Variants in DST observed in about 807,000 individuals in gnomAD.
DST encodes dystonin.
Under a neutral mutation model 875.2 loss-of-function variants are expected in DST, and 253 were observed. The observed-to-expected ratio is 0.29, with a 90% CI of 0.26 to 0.32. The LOEUF is 0.32. Ranked by LOEUF, DST falls within the 10% of genes least tolerant of loss-of-function variation. The pLI, the probability that DST is intolerant of heterozygous loss-of-function variation, is 1.00. For synonymous variants in DST, 3,124 were observed against 3,197.1 expected (o/e 0.98, Z 0.77); for missense variants, 8,287 against 9,111.6 (o/e 0.91, Z 3.68).
At chr6:56,576,958 T>C (rs1194988577) in intron 50 of DST, among the ~76,000 whole-genome samples, 1 of 152,234 alleles carries the variant, frequency 6.6e-6, no homozygotes, top group African/African-American at 2.4e-5. Context: ...CTGTTTAGTT[T>C]GCACTTCTTA....
chr6:56,617,850 C>A (rs2098642782), intron 36 of DST: 2 of 731,952 alleles, frequency 2.7e-6, no homozygotes, highest in Admixed American at 4.5e-5. Context: ...AAGAGTATAG[C>A]ATTATTTTCC....
At position 56,459,207 on chromosome 6, in the gene DST, G is replaced by C; in HGVS notation, c.23255C>G (p.Ala7752Gly). The C allele has an allele frequency of 6.2e-7, 1 of 1,613,634 alleles. No individual in the cohort carries two copies. The highest frequency in any genetic ancestry group is 8.5e-7 in the Non-Finnish European group (1 of 1,179,724). Residue 7752 changes from alanine to glycine, a missense_variant, in exon 104 of 104, where the codon GCC becomes GGC. Transcript: ENST00000680361. ...SRAGSKAGSRASSRRGSDASD... is the reference protein window; with the variant it reads ...SRAGSKAGSRGSSRRGSDASD... ...TGCATCACTGCCTCGGCGGCTGCTG[G>C]CCCTGCTGCCAGCTTTGCTTCCAGC...
intron 61 of DST, chr6:56,540,757 T>C (rs2097111137): frequency 6.5e-6 from 1 of 152,672 alleles, no homozygotes; most frequent in Non-Finnish European, 1.5e-5. Context: ...GGATTTCCCT[T>C]TGACCATTTA....
chr6:56,470,251 T>C lies in DST; in HGVS notation c.22353A>G (p.Ala7451=). The C allele has an allele frequency of 6.2e-7, 1 of 1,609,858 alleles. No individual in the cohort carries two copies. Residue 7451 remains alanine, a synonymous_variant, in exon 96 of 104, where the codon GCA becomes GCG. Coordinates refer to ENST00000680361, the MANE Select transcript of DST (RefSeq NM_001374736.1). ...CATCTCTGTCAAAGATGTCTGCAAC[T>C]GCGCTCATCTCCAAGCGACTGGTTG... is the stretch of plus-strand genomic sequence containing the variant. The part of the protein sequence containing the change: ...KFPTSRLEMS[A]VADIFDRDGD...
chr6:56,875,752 G>A (rs964810815), intron 3 of DST, among the ~76,000 whole-genome samples: 2 of 152,050 alleles, frequency 1.3e-5, no homozygotes, highest in Non-Finnish European at 2.9e-5. Flanking sequence ...TAGAGCTGCT[G>A]GAATCTTAGC....
chr6:56,934,560 T>TTTATATA (rs869186436), intron 2 of DST, among the ~76,000 whole-genome samples: 1 of 106,486 alleles, frequency 9.4e-6, no homozygotes, highest in African/African-American at 3.5e-5. Context: ...ATATATTATA[T>TTTATATA]TATATATATA....
At chr6:56,584,068 C>T (rs891462013) in intron 49 of DST, among the ~76,000 whole-genome samples, 2 of 152,094 alleles carry the variant, frequency 1.3e-5, no homozygotes, top group East Asian at 3.9e-4. Flanking sequence ...ATTGACTTGG[C>T]GATGCGGGCT....
chr6:56,501,787 C>A, intron 78 of DST, 94 bp from the exon 79 acceptor site: 2 of 920,036 alleles, frequency 2.2e-6, no homozygotes, highest in Non-Finnish European at 3.1e-6. Flanking sequence ...CTAATTCACA[C>A]TACTTACTGA....
chr6:56,661,324 T>C (rs1239266718), intron 10 of DST, among the ~76,000 whole-genome samples: 2 of 152,122 alleles, frequency 1.3e-5, no homozygotes, highest in Admixed American at 1.3e-4. Flanking sequence ...TACCGGCTGC[T>C]CCTGTAATGT....
chr6:56,491,104 A>T (rs1295346944), intron 85 of DST, among the ~76,000 whole-genome samples: 1 of 152,204 alleles, frequency 6.6e-6, no homozygotes, highest in Non-Finnish European at 1.5e-5. Context: ...TTAAAGAAAC[A>T]TTAGAGATGG....
chr6:56,821,179 T>C (rs541238923), intron 4 of DST, among the ~76,000 whole-genome samples: 2 of 152,356 alleles, frequency 1.3e-5, no homozygotes, highest in African/African-American at 4.8e-5. Flanking sequence ...ACAGTCACTC[T>C]AGCTGAAACA....
chr6:56,797,750 G>A (rs1240230612), intron 4 of DST, among the ~76,000 whole-genome samples: 1 of 151,188 alleles, frequency 6.6e-6, no homozygotes, highest in East Asian at 1.9e-4. Flanking sequence ...ACCCGGGAGC[G>A]GAGGTTGCAG....
At chr6:56,860,081 A>T (rs911245287) in intron 3 of DST, among the ~76,000 whole-genome samples, 1 of 152,172 alleles carries the variant, frequency 6.6e-6, no homozygotes, top group Non-Finnish European at 1.5e-5. Flanking sequence ...ATACTGGAAA[A>T]TTTTCACATA....
intron 2 of DST, among the ~76,000 whole-genome samples, chr6:56,906,007 C>A (rs1033176599): frequency 1.3e-5 from 2 of 152,150 alleles, no homozygotes; most frequent in Admixed American, 6.5e-5. Flanking sequence ...GTTTCCATAT[C>A]TTGGCTACTG....
rs775497590 is a variant in DST, at chr6:56,607,127, G to C, written c.7501C>G (p.Pro2501Ala). ...GATTTCTGTCCATACTGCTCTCCTG[G>C]TAAACTGATGTTAATAGCTGCAATT... The part of the protein sequence containing the change: ...LGIAAINISL[P>A]GEQYGQKSLN... Residue 2501 changes from proline (P) to alanine (A), a missense_variant, in exon 40 of 104, where the codon CCA becomes GCA. By Grantham distance (27) the Pro-to-Ala change is conservative. Around this residue, in one of 10 missense-constraint regions of DST, gnomAD observed 3,138 missense variants for 3,116.6 expected, o/e 1.01. Transcript: ENST00000680361. 20 of 1,613,134 alleles carry C rather than the reference G, an allele frequency of 1.2e-5. No homozygotes were observed. Among genetic ancestry groups the C allele is most frequent in the Non-Finnish European group, 1.5e-5 (18 of 1,179,570 alleles).
chr6:56,728,418 G>C (rs958041884), intron 5 of DST, among the ~76,000 whole-genome samples: 3 of 152,142 alleles, frequency 2.0e-5, no homozygotes, highest in African/African-American at 7.2e-5. Context: ...AATTAAAGCA[G>C]GTTGGCAGGA....
At chr6:56,612,457 T>C (rs2098553370) in intron 37 of DST, among the ~76,000 whole-genome samples, 1 of 152,230 alleles carries the variant, frequency 6.6e-6, no homozygotes, top group Non-Finnish European at 1.5e-5. Context: ...CTGTCATCTG[T>C]CAGAGAAATA....
chr6:56,881,253 T>G (rs1782066783), intron 3 of DST, among the ~76,000 whole-genome samples: 2 of 152,038 alleles, frequency 1.3e-5, no homozygotes, highest in South Asian at 4.2e-4. Flanking sequence ...TGGGGGCAGA[T>G]CACGAGGTCA....
Position 56,605,816 on chromosome 6 carries a change from T to C in DST, c.8812A>G (p.Ser2938Gly). The change falls in exon 40 of 104, where the codon AGT becomes GGT. Residue 2938 changes from serine (S) to glycine (G), a missense_variant. Transcript: ENST00000680361. Reference sequence around the variant, plus strand: ...ATATTATTATTATCATGTGAAATACTTGCAGGGCCAAAAGTTTTTTCAGAT... The same window carrying C: ...ATATTATTATTATCATGTGAAATACCTGCAGGGCCAAAAGTTTTTTCAGAT... ...TESEKTFGPA[S>G]ISHDNNNISS... The C allele has an allele frequency of 6.2e-7, 1 of 1,612,524 alleles. No homozygotes were observed. Among genetic ancestry groups the C allele is most frequent in the Non-Finnish European group, 8.5e-7 (1 of 1,179,202 alleles).
Sources: gnomAD v4.1 joint callset for allele counts (sites outside exome capture counted in the v4.1 genomes callset) on GRCh38, gnomAD v4.1.1 for gene constraint, gnomAD v4.1.1 regional missense constraint, MANE v1.5 for transcripts, NCBI Gene and HGNC (gene_info 2026-07-23, HGNC 2026-07-21) for gene names.